ARHGAP26: variants seen among roughly 807,000 people sequenced by gnomAD.
The protein encoded by ARHGAP26 is rho GTPase-activating protein 26.
In ARHGAP26, 38 loss-of-function variants were observed where a neutral mutation model predicts 104.8. The observed-to-expected ratio is 0.36, with a 90% CI of 0.28 to 0.48. The LOEUF is 0.48. Ranked by LOEUF, ARHGAP26 falls within the 20% of genes least tolerant of loss-of-function variation. ARHGAP26 has a pLI of 0.99. For synonymous variants in ARHGAP26, 341 were observed against 340.0 expected, an observed-to-expected ratio of 1.00 and a Z score of -0.03; for missense variants, 704 against 947.9, an observed-to-expected ratio of 0.74 and a Z score of 3.38.
chr5:143,217,089 T>A (rs139065675), intron 22 of ARHGAP26, among the ~76,000 whole-genome samples: 537 of 152,276 alleles, frequency 3.5e-3, no homozygotes, highest in African/African-American at 0.012. Context: ...AGTTGTCAGA[T>A]TAAATGATCA....
At chr5:143,012,677 G>A (rs1036871834) in intron 11 of ARHGAP26, among the ~76,000 whole-genome samples, 7 of 145,754 alleles carry the variant, frequency 4.8e-5, no homozygotes, top group East Asian at 4.0e-4. Flanking sequence ...TATTTAAGAC[G>A]GAGTCTTGCT....
At chr5:143,007,701 G>C (rs1778185437) in intron 11 of ARHGAP26, among the ~76,000 whole-genome samples, 1 of 152,200 alleles carries the variant, frequency 6.6e-6, no homozygotes, top group Non-Finnish European at 1.5e-5. Context: ...AATAGAGGCA[G>C]GTGTAGTACC....
At chr5:143,207,091 TC>T in intron 20 of ARHGAP26, 106 bp from the exon 21 acceptor site, 1 of 1,382,448 alleles carries the variant, frequency 7.2e-7, no homozygotes, top group Non-Finnish European at 9.9e-7. Context: ...GTTTCGGTGC[TC>T]CTCTGCTCTG....
intron 19 of ARHGAP26, among the ~76,000 whole-genome samples, chr5:143,135,965 G>A (rs1797865645): frequency 6.6e-6 from 1 of 152,198 alleles, no homozygotes; most frequent in Non-Finnish European, 1.5e-5. Flanking sequence ...ACTCACACCT[G>A]CTGAATGAAT....
chr5:143,055,415 A>G (rs1364187050), intron 15 of ARHGAP26, among the ~76,000 whole-genome samples: 1 of 152,254 alleles, frequency 6.6e-6, no homozygotes, highest in African/African-American at 2.4e-5. Context: ...AATGAGAATA[A>G]AATCTGAGCC....
intron 1 of ARHGAP26, among the ~76,000 whole-genome samples, chr5:142,794,834 G>A (rs554795672): frequency 2.9e-4 from 44 of 152,312 alleles, no homozygotes; most frequent in East Asian, 2.5e-3. Flanking sequence ...CAGCCAGTAC[G>A]AGAGCTAGTT....
intron 1 of ARHGAP26, among the ~76,000 whole-genome samples, chr5:142,862,618 G>T (rs1439162520): frequency 6.6e-6 from 1 of 152,192 alleles, no homozygotes; most frequent in Non-Finnish European, 1.5e-5. Flanking sequence ...GTTTAACCAA[G>T]TTCTGGGTTC....
intron 1 of ARHGAP26, 127 bp downstream of exon 1, chr5:142,771,042 C>T (rs1048716535): frequency 1.4e-6 from 2 of 1,414,956 alleles, no homozygotes; most frequent in Admixed American, 5.2e-5. Context: ...CGGGTGTCGA[C>T]GCCTCCGAGG....
intron 21 of ARHGAP26, among the ~76,000 whole-genome samples, chr5:143,212,473 G>A (rs1184787831): frequency 1.3e-5 from 2 of 152,004 alleles, no homozygotes; most frequent in African/African-American, 2.4e-5. Context: ...AGTGCCCCTT[G>A]TCCTGAACTT....
chr5:142,960,379 C>T (rs1368912878), intron 11 of ARHGAP26, among the ~76,000 whole-genome samples: 6 of 152,242 alleles, frequency 3.9e-5, no homozygotes, highest in Non-Finnish European at 8.8e-5. Context: ...TCACTGCAGT[C>T]CCAAAATATT....
chr5:143,056,981 C>T (rs1785920746), intron 16 of ARHGAP26, among the ~76,000 whole-genome samples: 1 of 152,176 alleles, frequency 6.6e-6, no homozygotes, highest in African/African-American at 2.4e-5. Context: ...CTACTTAAAC[C>T]TCACATCAGT....
At chr5:143,137,739 G>A (rs970102767) in intron 19 of ARHGAP26, among the ~76,000 whole-genome samples, 1 of 152,232 alleles carries the variant, frequency 6.6e-6, no homozygotes, top group African/African-American at 2.4e-5. Context: ...GTCCGCAGTT[G>A]AAATGCTTAG....
intron 14 of ARHGAP26, among the ~76,000 whole-genome samples, chr5:143,051,975 A>T (rs1311179925): frequency 6.6e-6 from 1 of 152,152 alleles, no homozygotes. Flanking sequence ...TAGGATGGGG[A>T]GGGAAAGAGG....
chr5:143,167,413 G>A (rs1284269542), intron 20 of ARHGAP26, among the ~76,000 whole-genome samples: 2 of 143,538 alleles, frequency 1.4e-5, no homozygotes, highest in Non-Finnish European at 3.0e-5. Context: ...ACCCGGGGGG[G>A]AAGAGGTTAC....
At chr5:142,809,410 A>C (rs1200247350) in intron 1 of ARHGAP26, among the ~76,000 whole-genome samples, 1 of 152,342 alleles carries the variant, frequency 6.6e-6, no homozygotes, top group East Asian at 1.9e-4. Context: ...GCAATTCTGC[A>C]TTCCCAGCAG....
intron 10 of ARHGAP26, among the ~76,000 whole-genome samples, chr5:142,925,412 T>G (rs978735243): frequency 6.6e-6 from 1 of 152,222 alleles, no homozygotes; most frequent in Non-Finnish European, 1.5e-5. Context: ...GTTTCCCTAA[T>G]TTTTCTTACT....
intron 1 of ARHGAP26, among the ~76,000 whole-genome samples, chr5:142,844,535 C>T (rs1263328910): frequency 6.6e-6 from 1 of 151,972 alleles, no homozygotes; most frequent in Non-Finnish European, 1.5e-5. Flanking sequence ...GGTTCAGGGC[C>T]AGGACCTTCT....
chr5:143,088,300 G>A (rs1255454062), intron 17 of ARHGAP26, among the ~76,000 whole-genome samples: 6 of 152,206 alleles, frequency 3.9e-5, no homozygotes, highest in East Asian at 1.9e-4. Flanking sequence ...CTTTGCTCAC[G>A]CTTTTGTTTT....
chr5:142,911,728 C>G lies in ARHGAP26; in HGVS notation c.934-1471C>G, dbSNP rs1479288826. ...TATTCCCTCCCATTTCTCTGGGACA[C>G]CTCATGTAATCTTTCAAAGTGGAAG... On this transcript the variant is annotated intron_variant, in intron 9 of 22. Transcript: ENST00000645722. 2.6e-5 allele frequency among the ~76,000 whole-genome samples: 4 copies of G among 152,274 alleles called. No homozygotes were observed. In the East Asian group the frequency reaches 5.8e-4, roughly 22 times the overall value.
Sources: gnomAD v4.1 joint callset for allele counts (sites outside exome capture counted in the v4.1 genomes callset) on GRCh38, gnomAD v4.1.1 for gene constraint, MANE v1.5 for transcripts, NCBI Gene and HGNC (gene_info 2026-07-23, HGNC 2026-07-21) for gene names.